The following LRRC49 variants were observed in gnomAD, a reference collection of about 807,000 sequenced individuals.
LRRC49 encodes leucine-rich repeat-containing protein 49.
A neutral mutation model predicts 83.3 loss-of-function variants in LRRC49; 50 were observed. The observed-to-expected ratio is 0.60, with a 90% CI of 0.48 to 0.76. The LOEUF (loss-of-function observed/expected upper bound fraction) is 0.76, where lower values mean the gene tolerates loss of function less well. LRRC49 is among the 30% of genes least tolerant of loss of function. The probability of loss-of-function intolerance (pLI) is 0.00; values close to 1 mark genes in which losing one functional copy is unlikely to be tolerated. For synonymous variants in LRRC49, 286 were observed against 283.3 expected (o/e 1.01, Z -0.10); for missense variants, 704 against 809.1 (o/e 0.87, Z 1.58).
chr15:70,919,396 A>G (rs894138721), intron 7 of LRRC49, among the ~76,000 whole-genome samples: 3 of 152,238 alleles, frequency 2.0e-5, no homozygotes, highest in Non-Finnish European at 4.4e-5. Context: ...AAGAATAAAT[A>G]TAATGTTAGA....
rs532884998 is a variant in LRRC49, at chr15:70,969,413, G to C, written c.921+5481G>C. 3.3e-5 allele frequency among the ~76,000 whole-genome samples: 5 copies of C among 152,278 alleles called. No homozygotes were observed. The East Asian group carries it at 9.6e-4, about 29-fold the overall frequency. On this transcript the variant is annotated intron_variant, in intron 9 of 15. Transcript: ENST00000260382. ...TTGTAGTATAGTTTGAAGTCAGGTAGCATGATGCCTCCAGCTTTGTTCATT... is the reference window on the plus strand; with the variant it reads ...TTGTAGTATAGTTTGAAGTCAGGTACCATGATGCCTCCAGCTTTGTTCATT...
At chr15:70,937,453 C>G (rs191330234) in intron 8 of LRRC49, among the ~76,000 whole-genome samples, 11 of 152,248 alleles carry the variant, frequency 7.2e-5, no homozygotes, top group African/African-American at 2.6e-4. Flanking sequence ...TTCCCTAATT[C>G]TTTCCTTCTC....
In LRRC49 at chr15:71,053,374, G is replaced by A. The variant is rs1955499924; in HGVS notation, c.*3762G>A. 1 of 152,174 alleles carries A rather than the reference G, an allele frequency of 6.6e-6. No homozygotes were observed. The allele number at this position is 152,174 out of a possible 1,614,324, so 9.4% of individuals were successfully genotyped here. A position where few individuals can be genotyped will look rare whatever the true frequency, so the allele number is the denominator to read the frequency against. On this transcript the variant is annotated 3_prime_UTR_variant, in exon 16 of 16. Transcript: ENST00000260382. The stretch of plus-strand genomic sequence containing the variant: ...ATCAACTGAGATGAGAGCAATCTGT[G>A]AATGGAACATCTGCTGGGAGGAAGG...
At chr15:71,002,860 A>T (rs1435075345) in intron 11 of LRRC49, among the ~76,000 whole-genome samples, 2 of 150,632 alleles carry the variant, frequency 1.3e-5, no homozygotes, top group Non-Finnish European at 2.9e-5. Flanking sequence ...CTGGGCTTTC[A>T]GAGTCATTAT....
chr15:70,972,727 A>C (rs981027839), intron 9 of LRRC49, among the ~76,000 whole-genome samples: 2 of 151,698 alleles, frequency 1.3e-5, no homozygotes, highest in African/African-American at 4.8e-5. Flanking sequence ...GCTTCATTTC[A>C]TTAAGTTGAT....
At chr15:70,927,331 G>T (rs945761109) in intron 7 of LRRC49, among the ~76,000 whole-genome samples, 1 of 151,896 alleles carries the variant, frequency 6.6e-6, no homozygotes, top group African/African-American at 2.4e-5. Flanking sequence ...TCTGTTACCT[G>T]TTTGAAAAAA....
chr15:70,897,207 C>T (rs957655304), intron 3 of LRRC49, among the ~76,000 whole-genome samples: 1 of 151,994 alleles, frequency 6.6e-6, no homozygotes, highest in African/African-American at 2.4e-5. Flanking sequence ...GCTGGCCAGG[C>T]AAACTTATTT....
At chr15:70,988,130 G>A (rs2037704355) in intron 11 of LRRC49, among the ~76,000 whole-genome samples, 1 of 151,398 alleles carries the variant, frequency 6.6e-6, no homozygotes, top group African/African-American at 2.4e-5. Flanking sequence ...GGGGTGGAGA[G>A]TTCTGTAGAT....
At chr15:70,891,877 G>T, upstream of LRRC49, 2 of 1,609,558 alleles carry the variant, frequency 1.2e-6, no homozygotes, top group Non-Finnish European at 1.7e-6. Context: ...CAGCTCGGGG[G>T]CGTGTACAGG....
At chr15:71,010,508 T>C (rs1478866690) in intron 13 of LRRC49, among the ~76,000 whole-genome samples, 1 of 151,268 alleles carries the variant, frequency 6.6e-6, no homozygotes, top group Admixed American at 6.6e-5. Flanking sequence ...GGAAGAAAGA[T>C]AAAATAAGAG....
intron 3 of LRRC49, among the ~76,000 whole-genome samples, chr15:70,899,983 C>T (rs538986672): frequency 3.5e-4 from 53 of 152,240 alleles, no homozygotes; most frequent in African/African-American, 1.2e-3. Flanking sequence ...ATTTCTGGAA[C>T]TTCTCATTGT....
intron 1 of LRRC49, chr15:70,872,803 A>G (rs1422703783): frequency 4.9e-6 from 1 of 202,944 alleles, no homozygotes; most frequent in Non-Finnish European, 1.0e-5. Flanking sequence ...CTAGAGAGAA[A>G]GAGGACGTTT....
chr15:70,905,106 A>G (rs1310564625), intron 5 of LRRC49, among the ~76,000 whole-genome samples: 2 of 152,162 alleles, frequency 1.3e-5, no homozygotes, highest in Non-Finnish European at 2.9e-5. Context: ...GACTCTTCCC[A>G]GTGTTTGACT....
At chr15:71,008,024 G>A (rs2038520666) in intron 11 of LRRC49, among the ~76,000 whole-genome samples, 1 of 151,560 alleles carries the variant, frequency 6.6e-6, no homozygotes. Flanking sequence ...TTTCTAGTCA[G>A]AAAAGTTTAT....
At chr15:71,044,280 T>G (rs2039784844) in intron 15 of LRRC49, among the ~76,000 whole-genome samples, 1 of 152,226 alleles carries the variant, frequency 6.6e-6, no homozygotes, top group Admixed American at 6.5e-5. Flanking sequence ...TACATACTTT[T>G]AAGACTGGTC....
intron 1 of LRRC49, chr15:70,853,952 G>T: frequency 6.9e-7 from 1 of 1,450,568 alleles, no homozygotes. Context: ...GTACCGGGCC[G>T]GGTCCCCGGC....
intron 8 of LRRC49, among the ~76,000 whole-genome samples, chr15:70,952,345 C>T (rs1000034631): frequency 2.0e-5 from 3 of 151,910 alleles, no homozygotes; most frequent in Admixed American, 2.0e-4. Context: ...GGCACTAGCT[C>T]TTCTTTGTAT....
rs1489468391 is a variant in LRRC49 at position 71,053,504 on chromosome 15, C to T, written c.*3892C>T. On this transcript the variant is annotated 3_prime_UTR_variant, in exon 16 of 16. Coordinates refer to ENST00000260382, the MANE Select transcript of LRRC49 (RefSeq NM_017691.5). ...TATGTTGAGATGGTTGTTAAATATC[C>T]AAGTGCAGGTGTTAAGTAGGTGTGA... 1.3e-5 allele frequency: 2 copies of T among 152,076 alleles called. No individual in the cohort carries two copies. The highest frequency in any genetic ancestry group is 2.4e-5 in the African/African-American group (1 of 41,404). 9.4% of individuals were successfully genotyped at this position (152,076 alleles called of 1,614,324 possible).
At chr15:70,999,821 G>C (rs1567092165) in intron 11 of LRRC49, among the ~76,000 whole-genome samples, 1 of 152,138 alleles carries the variant, frequency 6.6e-6, no homozygotes, top group Non-Finnish European at 1.5e-5. Flanking sequence ...TTTGTCCAAT[G>C]TGGTGGCAGC....
Sources: gnomAD v4.1 joint callset for allele counts (sites outside exome capture counted in the v4.1 genomes callset) on GRCh38, gnomAD v4.1.1 for gene constraint, MANE v1.5 for transcripts, NCBI Gene and HGNC (gene_info 2026-07-23, HGNC 2026-07-21) for gene names.